DLC1: variants seen among roughly 807,000 people sequenced by gnomAD.
DLC1 encodes rho GTPase-activating protein 7.
In DLC1, 54 loss-of-function variants were observed where a neutral mutation model predicts 140.3. The observed-to-expected ratio is 0.38, with a 90% CI of 0.31 to 0.48. The LOEUF is 0.48. DLC1 is among the 20% of genes least tolerant of loss of function. The pLI is 0.96. For synonymous variants in DLC1, 986 were observed against 728.1 expected, an observed-to-expected ratio of 1.35 and a Z score of -5.70; for missense variants, 2,536 against 1,907.0, an observed-to-expected ratio of 1.33 and a Z score of -6.14.
At chr8:13,398,884 T>G (rs1837169565) in intron 3 of DLC1, among the ~76,000 whole-genome samples, 1 of 152,166 alleles carries the variant, frequency 6.6e-6, no homozygotes, top group Non-Finnish European at 1.5e-5. Flanking sequence ...TTTGCAGGTG[T>G]GATGCCGGGA....
At chr8:13,344,292 G>A (rs1423834472) in intron 4 of DLC1, among the ~76,000 whole-genome samples, 2 of 152,116 alleles carry the variant, frequency 1.3e-5, no homozygotes, top group African/African-American at 4.8e-5. Context: ...TCAGGAGTTT[G>A]AGACCAGCCT....
chr8:13,099,908 G>A lies in DLC1; in HGVS notation c.2429C>T (p.Pro810Leu), dbSNP rs1486815510. 1 of 1,614,110 alleles carries A rather than the reference G, an allele frequency of 6.2e-7. No individual in the cohort carries two copies. The highest frequency in any genetic ancestry group is 2.2e-5 in the East Asian group (1 of 44,874). Residue 810 changes from proline (P) to leucine (L), a missense_variant, in exon 9 of 18, where the codon CCT becomes CTT. Physicochemically the swap from Pro to Leu is moderately conservative, Grantham distance 98 (BLOSUM62 -3). Transcript: ENST00000276297. ...SYPEDTVFYIPEDHKPGTFPK... is the reference protein window; with the variant it reads ...SYPEDTVFYILEDHKPGTFPK... ...GAAAGTGCCAGGCTTGTGATCTTCA[G>A]GGATGTAGAACACCGTGTCCTCTGG...
chr8:13,507,617 C>A (rs2117236888), intron 1 of DLC1, among the ~76,000 whole-genome samples: 1 of 152,266 alleles, frequency 6.6e-6, no homozygotes, highest in South Asian at 2.1e-4. Flanking sequence ...TCTACTTTTA[C>A]ATACTTTGTT....
chr8:13,372,109 A>T (rs984848965), intron 4 of DLC1, among the ~76,000 whole-genome samples: 2 of 152,012 alleles, frequency 1.3e-5, no homozygotes, highest in South Asian at 4.2e-4. Flanking sequence ...ACAACTCGTT[A>T]CCATTTACAT....
intron 1 of DLC1, among the ~76,000 whole-genome samples, chr8:13,520,423 T>G (rs1469836205): frequency 6.6e-6 from 1 of 151,522 alleles, no homozygotes; most frequent in Non-Finnish European, 1.5e-5. Context: ...AGTTGAACAG[T>G]GGGAACTCAC....
At chr8:13,153,341 C>T (rs533511069) in intron 5 of DLC1, among the ~76,000 whole-genome samples, 62 of 152,310 alleles carry the variant, frequency 4.1e-4, no homozygotes, top group Middle Eastern at 3.4e-3. Flanking sequence ...CATTCCTCTC[C>T]GTGAGTTTGC....
At chr8:13,519,196 C>T (rs1475089100), upstream of DLC1, among the ~76,000 whole-genome samples, 1 of 149,334 alleles carries the variant, frequency 6.7e-6, no homozygotes, top group South Asian at 2.1e-4. Flanking sequence ...GGCGCAATCT[C>T]GGCTCACTGC....
In DLC1 at chr8:13,476,765, T is replaced by TA. The variant is rs527676985; in HGVS notation, c.1023+22283dup. On this transcript the variant is annotated intron_variant, in intron 2 of 17. Transcript: ENST00000276297. Reference sequence around the variant, plus strand: ...GAACACAATGACAAATGTTCAACGGTAAAAAAACCCACTGAATTAATGAAT... The same window carrying TA: ...GAACACAATGACAAATGTTCAACGGTAAAAAAAACCCACTGAATTAATGAAT... 2.7e-3 allele frequency among the ~76,000 whole-genome samples: 414 copies of TA among 152,282 alleles called. 4 individuals carry two copies. Among genetic ancestry groups the TA allele is most frequent in the African/African-American group, 8.9e-3 (369 of 41,558 alleles).
At chr8:13,562,582 A>G (rs980045387) in intron 1 of DLC1, among the ~76,000 whole-genome samples, 4 of 152,164 alleles carry the variant, frequency 2.6e-5, no homozygotes, top group Non-Finnish European at 5.9e-5. Context: ...CCTGCTGGCC[A>G]GGCTTTTGGG....
chr8:13,547,507 G>A (rs1168117195), intron 1 of DLC1, among the ~76,000 whole-genome samples: 1 of 152,004 alleles, frequency 6.6e-6, no homozygotes, highest in African/African-American at 2.4e-5. Context: ...CAGGCACCAG[G>A]ATAATGATTC....
intron 4 of DLC1, among the ~76,000 whole-genome samples, chr8:13,316,364 AATTGT>A (rs1832861366): frequency 6.6e-6 from 1 of 152,132 alleles, no homozygotes; most frequent in South Asian, 2.1e-4. Flanking sequence ...TATACAATAC[AATTGT>A]ATTGTATAAA....
intron 5 of DLC1, among the ~76,000 whole-genome samples, chr8:13,195,292 G>T (rs1826984301): frequency 1.3e-5 from 2 of 152,122 alleles, no homozygotes; most frequent in African/African-American, 2.4e-5. Context: ...AATGTATTTT[G>T]TCAGCAATTG....
intron 5 of DLC1, among the ~76,000 whole-genome samples, chr8:13,162,358 T>G (rs1407297083): frequency 6.6e-6 from 1 of 152,168 alleles, no homozygotes; most frequent in Non-Finnish European, 1.5e-5. Context: ...GTGTTGCTCT[T>G]GGAGCCCAGG....
At chr8:13,545,835 A>T (rs1803632976) in intron 1 of DLC1, among the ~76,000 whole-genome samples, 2 of 152,178 alleles carry the variant, frequency 1.3e-5, no homozygotes, top group South Asian at 4.1e-4. Context: ...GATAGCAATT[A>T]AAGAATTTGG....
At chr8:13,519,582 G>A (rs1231872237), upstream of DLC1, among the ~76,000 whole-genome samples, 1 of 152,104 alleles carries the variant, frequency 6.6e-6, no homozygotes, top group Non-Finnish European at 1.5e-5. Flanking sequence ...TAACCATATA[G>A]TATTTACCTG....
chr8:13,191,493 AAAC>A (rs201279229), intron 5 of DLC1, among the ~76,000 whole-genome samples: 7,356 of 152,336 alleles, frequency 0.048, 201 homozygotes, highest in Non-Finnish European at 0.066. Context: ...TCTGTCTCAA[AAAC>A]AACAACAACA....
chr8:13,458,679 C>T (rs558698451), intron 2 of DLC1, among the ~76,000 whole-genome samples: 14 of 152,152 alleles, frequency 9.2e-5, no homozygotes, highest in Admixed American at 2.6e-4. Flanking sequence ...GGTGAAAATA[C>T]TTCAAATAAC....
intron 1 of DLC1, among the ~76,000 whole-genome samples, chr8:13,600,630 G>T (rs1324547203): frequency 6.6e-6 from 1 of 151,792 alleles, no homozygotes; most frequent in Admixed American, 6.6e-5. Context: ...TCCTGTACAT[G>T]ACTATTTTCT....
At chr8:13,468,286 C>T (rs561117573) in intron 2 of DLC1, among the ~76,000 whole-genome samples, 5 of 151,328 alleles carry the variant, frequency 3.3e-5, no homozygotes, top group East Asian at 2.0e-4. Flanking sequence ...TTTACTTCAT[C>T]GGTAATAATA....
Sources: allele counts gnomAD v4.1 joint callset (sites outside exome capture counted in the v4.1 genomes callset), GRCh38; gene constraint gnomAD v4.1.1; transcripts MANE v1.5; gene names NCBI Gene and HGNC (gene_info 2026-07-23, HGNC 2026-07-21).